PCDHGC3: variants seen among roughly 807,000 people sequenced by gnomAD.
The protein encoded by PCDHGC3 is protocadherin gamma subfamily C, 3.
PCDHGC3 carries 26 observed loss-of-function variants against 59.2 expected under a neutral mutation model. The ratio of observed to expected loss-of-function variants is 0.44; its 90% CI spans 0.32 to 0.61. The LOEUF is 0.61. PCDHGC3 is among the 20% of genes least tolerant of loss of function. The probability of loss-of-function intolerance (pLI) is 0.05; values close to 1 mark genes in which losing one functional copy is unlikely to be tolerated. For synonymous variants in PCDHGC3, 487 were observed against 519.7 expected, an observed-to-expected ratio of 0.94 and a Z score of 0.86; for missense variants, 1,080 against 1,221.8, an observed-to-expected ratio of 0.88 and a Z score of 1.73.
rs766350066 is a variant in PCDHGC3, at chr5:141,478,454, A to G, written c.2338A>G (p.Ser780Gly). 4 of 1,613,596 alleles carry G rather than the reference A, an allele frequency of 2.5e-6. No individual in the cohort carries two copies. The highest frequency in any genetic ancestry group is 3.4e-6 in the Non-Finnish European group (4 of 1,179,918). ...DPLLKKPGAA[S>G]PLASRQNTLR... Reference sequence around the variant, plus strand: ...GCTGCTGAAGAAACCTGGTGCAGCCAGTCCACTGGCCAGCCGCCAGAACAC... The same window carrying G: ...GCTGCTGAAGAAACCTGGTGCAGCCGGTCCACTGGCCAGCCGCCAGAACAC... The change falls in exon 1 of 4, where the codon AGT (serine) becomes GGT (glycine). Residue 780 changes from serine (S) to glycine (G), a missense_variant. By Grantham distance (56) the Ser-to-Gly change is moderately conservative. Transcript: ENST00000308177.
At position 141,511,423 on chromosome 5, in the gene PCDHGC3, A is replaced by G. The variant is rs1301463531; in HGVS notation, c.*250A>G. On this transcript the variant is annotated 3_prime_UTR_variant, in exon 4 of 4. Transcript: ENST00000308177. ...AATCAACTGCTGTACCCATGGGGGTAGTGGGGTTACTGTAGACACCAAGAA... is the reference window on the plus strand; with the variant it reads ...AATCAACTGCTGTACCCATGGGGGTGGTGGGGTTACTGTAGACACCAAGAA... 15 of 818,384 alleles carry G rather than the reference A, an allele frequency of 1.8e-5. No homozygotes were observed. Among genetic ancestry groups the G allele is most frequent in the East Asian group, 3.0e-5 (1 of 33,874 alleles). 50.7% of individuals were successfully genotyped at this position (818,384 alleles called of 1,614,324 possible). A position where few individuals can be genotyped will look rare whatever the true frequency, so the allele number is the denominator to read the frequency against.
chr5:141,481,871 G>A (rs372191396), intron 1 of PCDHGC3, among the ~76,000 whole-genome samples: 73 of 144,864 alleles, frequency 5.0e-4, no homozygotes, highest in Non-Finnish European at 9.7e-4. Context: ...CCGAGATCGC[G>A]CCACTGCACT....
chr5:141,508,269 C>G (rs1459186158), intron 3 of PCDHGC3: 1 of 152,186 alleles, frequency 6.6e-6, no homozygotes, highest in Non-Finnish European at 1.5e-5. Flanking sequence ...GAGAAAATCC[C>G]GGTCCTTGAC....
intron 1 of PCDHGC3, among the ~76,000 whole-genome samples, chr5:141,481,309 T>C (rs577046585): frequency 2.6e-4 from 39 of 152,310 alleles, no homozygotes; most frequent in African/African-American, 9.1e-4. Context: ...GGAAAAACCT[T>C]CCTAAAGCAC....
intron 2 of PCDHGC3, among the ~76,000 whole-genome samples, chr5:141,496,775 GCAGGGCC>G (rs1025427712): frequency 6.6e-6 from 1 of 152,038 alleles, no homozygotes; most frequent in Non-Finnish European, 1.5e-5. Flanking sequence ...TCTACTATGA[GCAGGGCC>G]CTGTGCTAAA....
chr5:141,504,645 T>C (rs1481469819), intron 2 of PCDHGC3, among the ~76,000 whole-genome samples: 2 of 112,538 alleles, frequency 1.8e-5, no homozygotes, highest in Non-Finnish European at 3.4e-5. Context: ...GGTTTGATGA[T>C]AGAGTGTTTG....
chr5:141,507,365 C>G (rs1279257057), intron 3 of PCDHGC3: 1 of 152,092 alleles, frequency 6.6e-6, no homozygotes, highest in African/African-American at 2.4e-5. Context: ...ACTGGGAGCC[C>G]TGTACTTTTA....
At position 141,486,094 on chromosome 5, in the gene PCDHGC3, C is replaced by G. The variant is rs749887136; in HGVS notation, c.2430+7548C>G. 2 of 1,614,112 alleles carry G rather than the reference C, an allele frequency of 1.2e-6. No homozygotes were observed. Among genetic ancestry groups the G allele is most frequent in the Admixed American group, 3.3e-5 (2 of 60,018 alleles). ...CTGGAAAGCTTACTCTTTTGGGGCCCCTAGACTTTGAGAGTGAGAATTACT... is the reference window on the plus strand; with the variant it reads ...CTGGAAAGCTTACTCTTTTGGGGCCGCTAGACTTTGAGAGTGAGAATTACT... On this transcript the variant is annotated intron_variant, in intron 1 of 3. Coordinates refer to ENST00000308177, the MANE Select transcript of PCDHGC3 (RefSeq NM_002588.4). The surrounding 1 kb of genome is among the most constrained non-coding windows in gnomAD (Gnocchi z 5.0).
chr5:141,476,367 G>C lies in PCDHGC3; in HGVS notation c.251G>C (p.Gly84Ala), dbSNP rs754652710. ...TTCTTTGAGGTGAACCGGGAGACCG[G>C]AGAGATGTTTGTGAACGACCGTCTG... Reference protein sequence around the residue: ...RRFFEVNRETGEMFVNDRLDR... With the variant: ...RRFFEVNRETAEMFVNDRLDR... The change falls in exon 1 of 4, where the codon GGA (glycine) becomes GCA (alanine). Residue 84 changes from glycine (G) to alanine (A), a missense_variant. Physicochemically the swap from Gly to Ala is moderately conservative, Grantham distance 60 (BLOSUM62 0). Transcript: ENST00000308177. This position sits in a 1 kb window ranked among gnomAD's most constrained non-coding sequence, Gnocchi z 7.6. 6.2e-7 allele frequency: 1 copy of C among 1,614,172 alleles called. No homozygotes were observed. Among genetic ancestry groups the C allele is most frequent in the Non-Finnish European group, 8.5e-7 (1 of 1,180,036 alleles).
chr5:141,476,224 G>T lies in PCDHGC3; in HGVS notation c.108G>T (p.Glu36Asp). 6.2e-7 allele frequency: 1 copy of T among 1,614,062 alleles called. No individual in the cohort carries two copies. The highest frequency in any genetic ancestry group is 1.1e-5 in the South Asian group (1 of 91,072). ...AGGCTTCCACGGTCATTCACTATGA[G>T]ATCCCGGAGGAAAGAGAGAAGGGTT... Reference protein sequence around the residue: ...LNKASTVIHYEIPEEREKGFA... With the variant: ...LNKASTVIHYDIPEEREKGFA... The change falls in exon 1 of 4, where the codon GAG (glutamate) becomes GAT (aspartate). Residue 36 changes from glutamate (E) to aspartate (D), a missense_variant. Physicochemically the swap from Glu to Asp is conservative, Grantham distance 45. Transcript: ENST00000308177. This position sits in a 1 kb window ranked among gnomAD's most constrained non-coding sequence, Gnocchi z 7.6.
chr5:141,490,869 A>G lies in PCDHGC3; in HGVS notation c.2431-3938A>G, dbSNP rs764138126. ...GGGTTCGAGACTCCGGCTCTCCCCCATTGCATGCCAACACATCTCTGCATG... is the reference window on the plus strand; with the variant it reads ...GGGTTCGAGACTCCGGCTCTCCCCCGTTGCATGCCAACACATCTCTGCATG... On this transcript the variant is annotated intron_variant, in intron 1 of 3. Transcript: ENST00000308177. This position sits in a 1 kb window ranked among gnomAD's most constrained non-coding sequence, Gnocchi z 5.4. 4.3e-6 allele frequency: 7 copies of G among 1,613,784 alleles called. No homozygotes were observed. The highest frequency in any genetic ancestry group is 1.7e-5 in the Admixed American group (1 of 60,004).
rs939969624 is a variant in PCDHGC3 at position 141,478,025 on chromosome 5, A to G, written c.1909A>G (p.Thr637Ala). 1.9e-6 allele frequency: 3 copies of G among 1,614,146 alleles called. No individual in the cohort carries two copies. The highest frequency in any genetic ancestry group is 2.5e-6 in the Non-Finnish European group (3 of 1,180,018). ...CAGTACTGCCCGTCCAGTCCAAGACACAGATTCACCCAGGCAGACTCTCAC... is the reference window on the plus strand; with the variant it reads ...CAGTACTGCCCGTCCAGTCCAAGACGCAGATTCACCCAGGCAGACTCTCAC... ...QISTARPVQD[T>A]DSPRQTLTVL... Residue 637 changes from threonine (T) to alanine (A), a missense_variant, in exon 1 of 4, where the codon ACA becomes GCA. Transcript: ENST00000308177.
rs1468315559 is a variant in PCDHGC3 at position 141,493,636 on chromosome 5, G to A, written c.2431-1171G>A. 1.3e-5 allele frequency among the ~76,000 whole-genome samples: 2 copies of A among 152,130 alleles called. No individual in the cohort carries two copies. Among genetic ancestry groups the A allele is most frequent in the Non-Finnish European group, 2.9e-5 (2 of 68,040 alleles). The stretch of plus-strand genomic sequence containing the variant: ...TGTGTCTAAGAATACAGTGGCTGAG[G>A]GCTGGCCATCCCTGTGCCCTTCTCC... On this transcript the variant is annotated intron_variant, in intron 1 of 3. Transcript: ENST00000308177. The surrounding 1 kb of genome is among the most constrained non-coding windows in gnomAD (Gnocchi z 4.3).
intron 2 of PCDHGC3, among the ~76,000 whole-genome samples, chr5:141,499,780 G>A (rs776654854): frequency 1.4e-5 from 2 of 145,766 alleles, no homozygotes; most frequent in Non-Finnish European, 3.0e-5. Flanking sequence ...TTCGCCTCCC[G>A]GGTTCAAGCA....
chr5:141,477,189 A>G lies in PCDHGC3; in HGVS notation c.1073A>G (p.Tyr358Cys), dbSNP rs377372902. ...CCGGAGATCACAGTCACCTCCGTGT[A>G]CAGCCCAGTACCCGAGGATGCCCCT... ...NAPEITVTSVYSPVPEDAPLG... is the reference protein window; with the variant it reads ...NAPEITVTSVCSPVPEDAPLG... The change falls in exon 1 of 4, where the codon TAC (tyrosine) becomes TGC (cysteine). Residue 358 changes from tyrosine (Y) to cysteine (C), a missense_variant. Coordinates refer to ENST00000308177, the MANE Select transcript of PCDHGC3 (RefSeq NM_002588.4). The surrounding 1 kb of genome is among the most constrained non-coding windows in gnomAD (Gnocchi z 4.9). 6.2e-7 allele frequency: 1 copy of G among 1,614,070 alleles called. No homozygotes were observed. The highest frequency in any genetic ancestry group is 8.5e-7 in the Non-Finnish European group (1 of 1,180,040).
chr5:141,495,545 A>G (rs1174346915), intron 2 of PCDHGC3, among the ~76,000 whole-genome samples: 3 of 151,824 alleles, frequency 2.0e-5, no homozygotes, highest in Non-Finnish European at 4.4e-5. Flanking sequence ...CTCAGTCTCT[A>G]TCTCGCTTTG....
At chr5:141,500,223 T>G (rs1034982746) in intron 2 of PCDHGC3, among the ~76,000 whole-genome samples, 16 of 145,318 alleles carry the variant, frequency 1.1e-4, no homozygotes, top group African/African-American at 3.4e-4. Context: ...TTTATTTATT[T>G]ATTGATACGT....
At chr5:141,503,178 T>C (rs988629461) in intron 2 of PCDHGC3, among the ~76,000 whole-genome samples, 56 of 151,998 alleles carry the variant, frequency 3.7e-4, no homozygotes, top group African/African-American at 1.3e-3. Flanking sequence ...TACTCTATTG[T>C]GTAATTATTT....
Position 141,489,560 on chromosome 5 carries a change from A to G in PCDHGC3, c.2431-5247A>G. On this transcript the variant is annotated intron_variant, in intron 1 of 3. Coordinates refer to ENST00000308177, the MANE Select transcript of PCDHGC3 (RefSeq NM_002588.4). The surrounding 1 kb of genome is among the most constrained non-coding windows in gnomAD (Gnocchi z 4.5). Reference sequence around the variant, plus strand: ...AGCACCAGCTGCCTGCTGCCAGTGCAGGTGGTGACTGAACACCCCCTGGAG... The same window carrying G: ...AGCACCAGCTGCCTGCTGCCAGTGCGGGTGGTGACTGAACACCCCCTGGAG... 1.2e-6 allele frequency: 2 copies of G among 1,614,142 alleles called. No homozygotes were observed. The highest frequency in any genetic ancestry group is 1.7e-6 in the Non-Finnish European group (2 of 1,180,030).
Sources: gnomAD v4.1 joint callset for allele counts (sites outside exome capture counted in the v4.1 genomes callset) on GRCh38, gnomAD v4.1.1 for gene constraint, Gnocchi (gnomAD v3.1) non-coding constraint, MANE v1.5 for transcripts, NCBI Gene and HGNC (gene_info 2026-07-23, HGNC 2026-07-21) for gene names.